Variants in AGR3 observed in about 807,000 individuals in gnomAD.
AGR3 encodes anterior gradient protein 3.
A neutral mutation model predicts 24.5 loss-of-function variants in AGR3; 37 were observed. That is an observed-to-expected ratio of 1.51 (90% CI 1.16 to 1.99). The LOEUF (loss-of-function observed/expected upper bound fraction) is 1.99. Among genes scored for constraint, AGR3 ranks in the 30% most tolerant of loss-of-function variants. The probability of loss-of-function intolerance (pLI) is 0.00; values close to 1 mark genes in which losing one functional copy is unlikely to be tolerated. For synonymous variants in AGR3, 75 were observed against 61.6 expected (o/e 1.22, Z -1.02); for missense variants, 228 against 191.1 (o/e 1.19, Z -1.14).
At chr7:16,880,959 C>A (rs1472985100) in intron 1 of AGR3, among the ~76,000 whole-genome samples, 1 of 152,082 alleles carries the variant, frequency 6.6e-6, no homozygotes, top group Non-Finnish European at 1.5e-5. Context: ...GGCTCAAAAC[C>A]CCTGGAAATT....
At chr7:16,861,958 A>C (rs770013431) in intron 5 of AGR3, 26 bp downstream of exon 5, 1 of 1,557,554 alleles carries the variant, frequency 6.4e-7, no homozygotes, top group Non-Finnish European at 8.8e-7. Context: ...TTATAGTATT[A>C]AGAAAACATC....
chr7:16,871,877 A>G (rs1781872698), intron 3 of AGR3, among the ~76,000 whole-genome samples: 1 of 152,030 alleles, frequency 6.6e-6, no homozygotes, highest in African/African-American at 2.4e-5. Flanking sequence ...ACACACACAC[A>G]CCTAGGAATA....
At chr7:16,881,467 C>T (rs11531456) in intron 1 of AGR3, among the ~76,000 whole-genome samples, 39,283 of 151,990 alleles carry the variant, frequency 0.26, 5,394 homozygotes, top group East Asian at 0.51. Context: ...CTTGGGGGAA[C>T]ACAGATAAAT....
At chr7:16,869,836 T>A (rs1474754618) in intron 3 of AGR3, among the ~76,000 whole-genome samples, 1 of 151,896 alleles carries the variant, frequency 6.6e-6, no homozygotes, top group African/African-American at 2.4e-5. Context: ...ATACTGTTTA[T>A]TATTGCTTTG....
Position 16,862,652 on chromosome 7 carries a change from A to G in AGR3, c.184T>C (p.Leu62=). Reference sequence around the variant, plus strand: ...TCCTCCAGGTGATGAATAACCATTAATGGCTTCTTACTAAACAAAGAAAGT... The same window carrying G: ...TCCTCCAGGTGATGAATAACCATTAGTGGCTTCTTACTAAACAAAGAAAGT... ...LFYAQKSKKP[L]MVIHHLEDCQ... The change falls in exon 4 of 8, where the codon TTA becomes CTA. Residue 62 remains leucine (L), a synonymous_variant. Transcript: ENST00000310398. 1 of 1,553,646 alleles carries G rather than the reference A, an allele frequency of 6.4e-7. No individual in the cohort carries two copies. Among genetic ancestry groups the G allele is most frequent in the Non-Finnish European group, 8.6e-7 (1 of 1,156,454 alleles).
chr7:16,867,673 G>A (rs1476060334), intron 3 of AGR3, among the ~76,000 whole-genome samples: 1 of 152,070 alleles, frequency 6.6e-6, no homozygotes, highest in African/African-American at 2.4e-5. Flanking sequence ...CCAGACTTTA[G>A]TAACCACCAT....
At chr7:16,879,394 A>G (rs1782059889) in intron 1 of AGR3, among the ~76,000 whole-genome samples, 1 of 152,242 alleles carries the variant, frequency 6.6e-6, no homozygotes, top group African/African-American at 2.4e-5. Context: ...GCACGTTAAG[A>G]TAAAAACTGA....
intron 2 of AGR3, among the ~76,000 whole-genome samples, chr7:16,877,727 G>T (rs1255214123): frequency 6.6e-6 from 1 of 152,046 alleles, no homozygotes; most frequent in African/African-American, 2.4e-5. Flanking sequence ...GCCGGGCATG[G>T]TGGCGGGCGC....
chr7:16,881,514 A>G (rs1199026792), intron 1 of AGR3, among the ~76,000 whole-genome samples: 1 of 152,200 alleles, frequency 6.6e-6, no homozygotes, highest in Non-Finnish European at 1.5e-5. Flanking sequence ...CTTAAAATGC[A>G]TTTGGGAGGC....
chr7:16,857,977 A>G (rs145539660), downstream of AGR3, among the ~76,000 whole-genome samples: 377 of 147,584 alleles, frequency 2.6e-3, 1 homozygote, highest in African/African-American at 9.3e-3. Context: ...ATTTTTGCCC[A>G]TCTAAAACAT....
At chr7:16,862,509 G>A (rs1410397542) in intron 4 of AGR3, 101 bp downstream of exon 4, 2 of 635,232 alleles carry the variant, frequency 3.1e-6, no homozygotes, top group East Asian at 3.5e-5. Context: ...TTTTTAATGG[G>A]ATTTGCTGAG....
In AGR3 at chr7:16,878,622, T is replaced by C. The variant is rs1187695242; in HGVS notation, c.-4A>G. 1 of 1,610,844 alleles carries C rather than the reference T, an allele frequency of 6.2e-7. No individual in the cohort carries two copies. The highest frequency in any genetic ancestry group is 8.5e-7 in the Non-Finnish European group (1 of 1,177,214). ...CCAAAGCTGAGTGTAGCATCATGTC[T>C]TCTAGAGACTCTCTCAGAAGAAGCT... On this transcript the variant is annotated 5_prime_UTR_variant, in exon 2 of 8. Coordinates refer to ENST00000310398, the MANE Select transcript of AGR3 (RefSeq NM_176813.5).
intron 2 of AGR3, among the ~76,000 whole-genome samples, chr7:16,877,055 C>G (rs1052668502): frequency 6.6e-6 from 1 of 151,730 alleles, no homozygotes; most frequent in East Asian, 1.9e-4. Flanking sequence ...AATATGTTGA[C>G]TTTCTGTATA....
chr7:16,866,236 C>T, intron 3 of AGR3: 2 of 521,746 alleles, frequency 3.8e-6, no homozygotes, highest in South Asian at 3.0e-5. Flanking sequence ...TCTAGAAAAT[C>T]ATTGAATGAT....
intron 1 of AGR3, among the ~76,000 whole-genome samples, chr7:16,880,941 C>CTA (rs1380295574): frequency 6.6e-6 from 1 of 152,064 alleles, no homozygotes; most frequent in Non-Finnish European, 1.5e-5. Context: ...TGTGGCTGAG[C>CTA]TACAGAAGGC....
intron 3 of AGR3, among the ~76,000 whole-genome samples, chr7:16,868,446 C>T (rs377456386): frequency 9.2e-5 from 14 of 152,230 alleles, no homozygotes; most frequent in Middle Eastern, 6.8e-3. Flanking sequence ...TGAGCCACGG[C>T]GCCCAGCCTG....
chr7:16,880,155 C>G (rs1583849766), intron 1 of AGR3, among the ~76,000 whole-genome samples: 1 of 127,292 alleles, frequency 7.9e-6, no homozygotes, highest in Non-Finnish European at 1.7e-5. Context: ...TCTTTCTTTT[C>G]TTTCTCTCTC....
downstream of AGR3, among the ~76,000 whole-genome samples, chr7:16,856,976 G>GTTT (rs34712776): frequency 2.4e-3 from 348 of 144,232 alleles, no homozygotes; most frequent in African/African-American, 8.3e-3. Flanking sequence ...ATATAGAAAG[G>GTTT]TTTTTTTTTT....
At chr7:16,867,279 G>A (rs1781776048) in intron 3 of AGR3, among the ~76,000 whole-genome samples, 1 of 151,954 alleles carries the variant, frequency 6.6e-6, no homozygotes, top group South Asian at 2.1e-4. Flanking sequence ...TACATAATCT[G>A]TCTCCCCTAT....
Sources: gnomAD v4.1 joint callset for allele counts (sites outside exome capture counted in the v4.1 genomes callset) on GRCh38, gnomAD v4.1.1 for gene constraint, MANE v1.5 for transcripts, NCBI Gene and HGNC (gene_info 2026-07-23, HGNC 2026-07-21) for gene names.